Variants in VPS35L observed in about 807,000 individuals in gnomAD.
VPS35L encodes the protein VPS35 endosomal protein sorting factor like.
A neutral mutation model predicts 133.0 loss-of-function variants in VPS35L; 83 were observed. The observed-to-expected ratio is 0.62, with a 90% CI of 0.52 to 0.75. The LOEUF (loss-of-function observed/expected upper bound fraction) is 0.75, where lower values mean the gene tolerates loss of function less well. Among genes scored for constraint, VPS35L ranks in the 30% least tolerant of loss-of-function variants. The probability of loss-of-function intolerance (pLI) is 0.00; values close to 1 mark genes in which losing one functional copy is unlikely to be tolerated. For synonymous variants in VPS35L, 423 were observed against 449.9 expected, an observed-to-expected ratio of 0.94 and a Z score of 0.76; for missense variants, 1,083 against 1,206.8, an observed-to-expected ratio of 0.90 and a Z score of 1.52.
At chr16:19,684,546 G>C (rs925679891) in intron 28 of VPS35L, among the ~76,000 whole-genome samples, 33 of 152,182 alleles carry the variant, frequency 2.2e-4, no homozygotes, top group Non-Finnish European at 2.9e-5. Context: ...AGCACTTACT[G>C]CGTGCCAAGG....
At chr16:19,612,194 C>T (rs1972745436) in intron 12 of VPS35L, among the ~76,000 whole-genome samples, 1 of 152,122 alleles carries the variant, frequency 6.6e-6, no homozygotes, top group Non-Finnish European at 1.5e-5. Context: ...GCCCCGGCCT[C>T]TCAAAGTGCT....
At chr16:19,697,637 A>G (rs1299957420) in intron 29 of VPS35L, among the ~76,000 whole-genome samples, 2 of 150,660 alleles carry the variant, frequency 1.3e-5, no homozygotes, top group East Asian at 2.0e-4. Context: ...TAGACGGTTG[A>G]TAAGTTGGTT....
chr16:19,635,464 T>G (rs1469511758), intron 19 of VPS35L, among the ~76,000 whole-genome samples: 1 of 152,092 alleles, frequency 6.6e-6, no homozygotes, highest in African/African-American at 2.4e-5. Context: ...TAACACAGAC[T>G]AAAGAGACGT....
In VPS35L at chr16:19,608,221, A is replaced by G; in HGVS notation, c.828A>G (p.Thr276=). The change falls in exon 10 of 31, where the codon ACA becomes ACG. Residue 276 remains threonine, a synonymous_variant. Coordinates refer to ENST00000417362, the MANE Select transcript of VPS35L (RefSeq NM_020314.7). The stretch of plus-strand genomic sequence containing the variant: ...ATGCAAATGACACGGCCAAGGAAAC[A>G]TGCCTAAATTGGTTTTTCAAGATTG... ...PENANDTAKE[T]CLNWFFKIAS... is the part of the protein sequence containing the mutation. 6.2e-7 allele frequency: 1 copy of G among 1,612,924 alleles called. No homozygotes were observed. The highest frequency in any genetic ancestry group is 8.5e-7 in the Non-Finnish European group (1 of 1,179,740).
At chr16:19,658,539 A>G (rs1974377255) in intron 26 of VPS35L, among the ~76,000 whole-genome samples, 1 of 152,176 alleles carries the variant, frequency 6.6e-6, no homozygotes, top group Admixed American at 6.5e-5. Context: ...AAAACAAAAC[A>G]AGAAAAAGAG....
intron 2 of VPS35L, among the ~76,000 whole-genome samples, chr16:19,565,942 G>T (rs918449470): frequency 9.2e-5 from 14 of 152,172 alleles, no homozygotes; most frequent in Non-Finnish European, 5.9e-5. Context: ...AGACTTGGCT[G>T]GTTCCTCTCT....
At chr16:19,615,998 T>TAATAATAA (rs1555500738) in intron 12 of VPS35L, 116 bp from the exon 13 acceptor site, 30 of 427,610 alleles carry the variant, frequency 7.0e-5, no homozygotes, top group African/African-American at 1.7e-4. Context: ...ATAATAATAA[T>TAATAATAA]TTTCTGGACT....
At chr16:19,624,898 G>A (rs551789681) in intron 14 of VPS35L, among the ~76,000 whole-genome samples, 2 of 152,190 alleles carry the variant, frequency 1.3e-5, no homozygotes, top group Non-Finnish European at 2.9e-5. Flanking sequence ...GACTTAGCCC[G>A]AAACCTGGGC....
rs190482155 is a variant in VPS35L at position 19,565,225 on chromosome 16, T to C, written c.117+275T>C. On this transcript the variant is annotated intron_variant, in intron 2 of 30. Transcript: ENST00000417362. ...ACGCCACCATGCCTGGCTAAGTTTT[T>C]GTGTTTTTTTAGTAGAGATGGGGTT... 6.0e-5 allele frequency among the ~76,000 whole-genome samples: 9 copies of C among 149,396 alleles called. No homozygotes were observed. The East Asian group carries it at 1.8e-3, about 30-fold the overall frequency.
At chr16:19,618,695 CTCTT>C (rs1972977819) in intron 14 of VPS35L, among the ~76,000 whole-genome samples, 3 of 152,122 alleles carry the variant, frequency 2.0e-5, no homozygotes, top group African/African-American at 7.2e-5. Flanking sequence ...TGAGTCTTCT[CTCTT>C]TATCTGTAAA....
chr16:19,651,910 T>C, intron 25 of VPS35L, 66 bp from the exon 26 acceptor site: 5 of 1,138,092 alleles, frequency 4.4e-6, no homozygotes, highest in Non-Finnish European at 6.5e-6. Flanking sequence ...ACATGAGGGA[T>C]GAAAACAGGA....
chr16:19,602,679 T>C (rs1181596947), intron 9 of VPS35L, among the ~76,000 whole-genome samples: 2 of 152,178 alleles, frequency 1.3e-5, no homozygotes, highest in African/African-American at 4.8e-5. Flanking sequence ...CTTGGCTCGC[T>C]GCAGCCTTCG....
chr16:19,617,522 G>A (rs978023878), intron 14 of VPS35L: 2 of 152,224 alleles, frequency 1.3e-5, no homozygotes, highest in Admixed American at 6.5e-5. Flanking sequence ...TTTATGGAAG[G>A]AAAACAAAAC....
At position 19,699,384 on chromosome 16, in the gene VPS35L, C is replaced by A. The variant is rs75677813; in HGVS notation, c.2647-118C>A. On this transcript the variant is annotated intron_variant, in intron 29 of 30. Transcript: ENST00000417362. This position sits in a 1 kb window ranked among gnomAD's most constrained non-coding sequence, Gnocchi z 4.2. The stretch of plus-strand genomic sequence containing the variant: ...AGCTTGCCCTACAGCAAATACATGG[C>A]AGAGCTGGCACTGGAACTCAGGCAT... 4 of 1,285,150 alleles carry A rather than the reference C, an allele frequency of 3.1e-6. No individual in the cohort carries two copies. The highest frequency in any genetic ancestry group is 4.3e-6 in the Non-Finnish European group (4 of 932,394). 79.6% of individuals were successfully genotyped at this position (1,285,150 alleles called of 1,614,324 possible). A position where few individuals can be genotyped will look rare whatever the true frequency, so the allele number is the denominator to read the frequency against.
At chr16:19,613,739 A>G (rs1256454513) in intron 12 of VPS35L, among the ~76,000 whole-genome samples, 2 of 152,080 alleles carry the variant, frequency 1.3e-5, no homozygotes, top group African/African-American at 2.4e-5. Flanking sequence ...GTGTCTGGGT[A>G]CTTACTGACT....
Position 19,639,921 on chromosome 16 carries a change from T to C in VPS35L, c.1699-94T>C. 9.4e-7 allele frequency: 1 copy of C among 1,061,624 alleles called. No individual in the cohort carries two copies. Among genetic ancestry groups the C allele is most frequent in the Non-Finnish European group, 1.4e-6 (1 of 710,770 alleles). The allele number at this position is 1,061,624 out of a possible 1,614,324, so 65.8% of individuals were successfully genotyped here. On this transcript the variant is annotated intron_variant, in intron 20 of 30. Transcript: ENST00000417362. This position sits in a 1 kb window ranked among gnomAD's most constrained non-coding sequence, Gnocchi z 4.1. The stretch of plus-strand genomic sequence containing the variant: ...GACTCAGAGAGATGAACCTCTGTTC[T>C]GCTTCTTTGAACTCCACAGAAAAAG...
Position 19,627,735 on chromosome 16 carries a change from A to C in VPS35L, c.1313A>C (p.Glu438Ala). 1 of 1,614,120 alleles carries C rather than the reference A, an allele frequency of 6.2e-7. No homozygotes were observed. The highest frequency in any genetic ancestry group is 1.1e-5 in the South Asian group (1 of 91,090). ...LNSVMSAFRA[E>A]FIATRSMDFI... ...TCTGTGATGTCTGCCTTCCGGGCTGAGTTCATCGCCACAAGGTCTATGGAT... is the reference window on the plus strand; with the variant it reads ...TCTGTGATGTCTGCCTTCCGGGCTGCGTTCATCGCCACAAGGTCTATGGAT... The change falls in exon 16 of 31, where the codon GAG (glutamate) becomes GCG (alanine). Residue 438 changes from glutamate to alanine, a missense_variant. Glu to Ala is a moderately radical substitution (Grantham distance 107). Coordinates refer to ENST00000417362, the MANE Select transcript of VPS35L (RefSeq NM_020314.7).
chr16:19,605,388 A>G (rs1444749116), intron 9 of VPS35L, among the ~76,000 whole-genome samples: 1 of 152,224 alleles, frequency 6.6e-6, no homozygotes. Flanking sequence ...GCTGAAGTCT[A>G]AACTGTGTCA....
At chr16:19,635,640 T>C (rs924472523) in intron 19 of VPS35L, among the ~76,000 whole-genome samples, 3 of 152,188 alleles carry the variant, frequency 2.0e-5, no homozygotes, top group Non-Finnish European at 4.4e-5. Context: ...CCCAATTTGA[T>C]GACAGCAAGT....
Sources: gnomAD v4.1 joint callset for allele counts (sites outside exome capture counted in the v4.1 genomes callset) on GRCh38, gnomAD v4.1.1 for gene constraint, Gnocchi (gnomAD v3.1) non-coding constraint, MANE v1.5 for transcripts, NCBI Gene and HGNC (gene_info 2026-07-23, HGNC 2026-07-21) for gene names.